PCDHGA5: variants seen among roughly 807,000 people sequenced by gnomAD.
The protein encoded by PCDHGA5 is protocadherin gamma-A5.
Under a neutral mutation model 56.7 loss-of-function variants are expected in PCDHGA5, and 36 were observed. That is an observed-to-expected ratio of 0.64 (90% CI 0.49 to 0.84). PCDHGA5 has a LOEUF of 0.84. Among genes scored for constraint, PCDHGA5 ranks in the 40% least tolerant of loss-of-function variants. PCDHGA5 has a pLI of 0.00. For synonymous variants in PCDHGA5, 563 were observed against 520.2 expected, an observed-to-expected ratio of 1.08 and a Z score of -1.12; for missense variants, 1,305 against 1,201.5, an observed-to-expected ratio of 1.09 and a Z score of -1.27.
At position 141,375,364 on chromosome 5, in the gene PCDHGA5, A is replaced by C. The variant is rs771379372; in HGVS notation, c.2421+8613A>C. ...ACATCACTGTGACAGCCACGGACAAAGGAACACCACCTCTGTCTACAGAAA... is the reference window on the plus strand; with the variant it reads ...ACATCACTGTGACAGCCACGGACAACGGAACACCACCTCTGTCTACAGAAA... On this transcript the variant is annotated intron_variant, in intron 1 of 3. Coordinates refer to ENST00000518069, the MANE Select transcript of PCDHGA5 (RefSeq NM_018918.3). 6.2e-7 allele frequency: 1 copy of C among 1,613,904 alleles called. No homozygotes were observed. Among genetic ancestry groups the C allele is most frequent in the Non-Finnish European group, 8.5e-7 (1 of 1,179,968 alleles).
At chr5:141,390,207 C>T in intron 1 of PCDHGA5, 1 of 1,614,028 alleles carries the variant, frequency 6.2e-7, no homozygotes, top group Non-Finnish European at 8.5e-7. Flanking sequence ...GAGTTCAGGA[C>T]AAGACATACT....
chr5:141,374,776 A>T (rs376190994), intron 1 of PCDHGA5: 2 of 1,613,844 alleles, frequency 1.2e-6, no homozygotes, highest in African/African-American at 1.3e-5. Flanking sequence ...TTCTGGTAAC[A>T]GTTCTAGATG....
In PCDHGA5 at chr5:141,408,993, T is replaced by G. The variant is rs1258002192; in HGVS notation, c.2421+42242T>G. The G allele has an allele frequency of 1.2e-6, 2 of 1,613,814 alleles. No homozygotes were observed. The highest frequency in any genetic ancestry group is 2.7e-5 in the African/African-American group (2 of 74,912). On this transcript the variant is annotated intron_variant, in intron 1 of 3. Transcript: ENST00000518069. Reference sequence around the variant, plus strand: ...CCCCCTGGGTCCCCTGTGTTGCAAGTGACAGCCACTGACCAGGATGAGGGG... The same window carrying G: ...CCCCCTGGGTCCCCTGTGTTGCAAGGGACAGCCACTGACCAGGATGAGGGG...
intron 1 of PCDHGA5, chr5:141,394,892 C>T (rs267600457): frequency 4.5e-4 from 723 of 1,613,752 alleles, no homozygotes; most frequent in Non-Finnish European, 5.8e-4. Context: ...CACTCTATCT[C>T]GTGGTGGCAG....
At chr5:141,398,923 G>A in intron 1 of PCDHGA5, 1 of 1,613,978 alleles carries the variant, frequency 6.2e-7, no homozygotes, top group Non-Finnish European at 8.5e-7. Context: ...GCAAGTGTCA[G>A]CCACTGACCA....
rs979645454 is a variant in PCDHGA5 at position 141,364,198 on chromosome 5, C to T, written c.-133C>T. 3.6e-6 allele frequency: 4 copies of T among 1,108,464 alleles called. No individual in the cohort carries two copies. In the African/African-American group the frequency reaches 4.8e-5, roughly 13 times the overall value. 68.7% of individuals were successfully genotyped at this position (1,108,464 alleles called of 1,614,324 possible). ...GCTCCCTCCATACTAAACACACAGACCAGACAAGCTCCTACGAAAAGCCAA... is the reference window on the plus strand; with the variant it reads ...GCTCCCTCCATACTAAACACACAGATCAGACAAGCTCCTACGAAAAGCCAA... On this transcript the variant is annotated 5_prime_UTR_variant, in exon 1 of 4. Transcript: ENST00000518069.
chr5:141,447,689 AG>A lies in PCDHGA5; in HGVS notation c.2422-47115del, dbSNP rs145694922. ...TTAGAACTGTTCCATATCTTGATAGAGGGATGGGTTATAAGGATGTACACAT... is the reference window on the plus strand; with the variant it reads ...TTAGAACTGTTCCATATCTTGATAGAGGATGGGTTATAAGGATGTACACAT... On this transcript the variant is annotated intron_variant, in intron 1 of 3. Coordinates refer to ENST00000518069, the MANE Select transcript of PCDHGA5 (RefSeq NM_018918.3). Among the ~76,000 whole-genome samples the A allele has an allele frequency of 4.6e-3, 694 of 152,302 alleles. 4 individuals are homozygous for A. The highest frequency in any genetic ancestry group is 0.015 in the African/African-American group (633 of 41,566).
chr5:141,384,238 G>C, intron 1 of PCDHGA5: 2 of 1,613,838 alleles, frequency 1.2e-6, no homozygotes, highest in Admixed American at 1.7e-5. Flanking sequence ...AGACACCAAC[G>C]ATAACCCACC....
chr5:141,478,856 T>G (rs1372487685), intron 1 of PCDHGA5: 2 of 1,353,224 alleles, frequency 1.5e-6, no homozygotes, highest in Non-Finnish European at 2.0e-6. Flanking sequence ...AAACACAAGA[T>G]CTCAGCGATC....
intron 1 of PCDHGA5, among the ~76,000 whole-genome samples, chr5:141,373,736 A>G (rs1260777730): frequency 6.6e-6 from 1 of 152,226 alleles, no homozygotes. Flanking sequence ...TAAATGCTTC[A>G]TTATCTTGGG....
At position 141,490,551 on chromosome 5, in the gene PCDHGA5, T is replaced by C; in HGVS notation, c.2422-4256T>C. On this transcript the variant is annotated intron_variant, in intron 1 of 3. Coordinates refer to ENST00000518069, the MANE Select transcript of PCDHGA5 (RefSeq NM_018918.3). The surrounding 1 kb of genome is among the most constrained non-coding windows in gnomAD (Gnocchi z 5.4). ...CTGGTTCACCTTCCCTACACAAACA[T>C]CTCACCATCAGGCTCAACATTTCAG... 1 of 1,614,088 alleles carries C rather than the reference T, an allele frequency of 6.2e-7. No individual in the cohort carries two copies. The highest frequency in any genetic ancestry group is 1.1e-5 in the South Asian group (1 of 91,086).
chr5:141,384,818 A>G, intron 1 of PCDHGA5: 1 of 1,613,488 alleles, frequency 6.2e-7, no homozygotes, highest in East Asian at 2.2e-5. Context: ...GCCCTCAAGC[A>G]GAGCCTCGTG....
intron 1 of PCDHGA5, chr5:141,376,828 A>T (rs986272669): frequency 7.4e-6 from 2 of 269,538 alleles, no homozygotes; most frequent in African/African-American, 4.6e-5. Context: ...CTGGGACTAC[A>T]GGCGCCCGCC....
intron 2 of PCDHGA5, among the ~76,000 whole-genome samples, chr5:141,500,046 T>C (rs959260262): frequency 1.3e-5 from 2 of 152,098 alleles, no homozygotes; most frequent in African/African-American, 4.8e-5. Context: ...TTAAGTATCT[T>C]AATGCTCTTT....
chr5:141,390,398 A>G, intron 1 of PCDHGA5: 1 of 1,365,554 alleles, frequency 7.3e-7, no homozygotes, highest in Non-Finnish European at 1.0e-6. Flanking sequence ...GGATCATTTT[A>G]GGAAAGTTGT....
intron 1 of PCDHGA5, chr5:141,376,138 C>G (rs1234340396): frequency 1.2e-6 from 2 of 1,613,948 alleles, no homozygotes; most frequent in South Asian, 2.2e-5. Context: ...CCAAACCCAA[C>G]GATTCGGACC....
intron 1 of PCDHGA5, chr5:141,413,221 G>A (rs1384304697): frequency 1.2e-6 from 2 of 1,613,452 alleles, no homozygotes; most frequent in East Asian, 2.2e-5. Flanking sequence ...GGATTGCAGC[G>A]GGCTGGTCCT....
chr5:141,374,825 C>G (rs11575953), intron 1 of PCDHGA5: 15 of 1,613,780 alleles, frequency 9.3e-6, no homozygotes, highest in Middle Eastern at 1.6e-4. Context: ...GCCTGTCTAC[C>G]GTGTAAGTGT....
At chr5:141,379,889 C>CTTTATTTTTTTTTTTTTTTTTTTTTTTT (rs1775940253) in intron 1 of PCDHGA5, among the ~76,000 whole-genome samples, 1 of 50,830 alleles carries the variant, frequency 2.0e-5, no homozygotes, top group Non-Finnish European at 3.9e-5. Flanking sequence ...GTGAAAGCCT[C>CTTTATTTTTTTTTTTTTTTTTTTTTTTT]TTTTTTTTTT....
Sources: gnomAD v4.1 joint callset for allele counts (sites outside exome capture counted in the v4.1 genomes callset) on GRCh38, gnomAD v4.1.1 for gene constraint, Gnocchi (gnomAD v3.1) non-coding constraint, MANE v1.5 for transcripts, NCBI Gene and HGNC (gene_info 2026-07-23, HGNC 2026-07-21) for gene names.